The following AASS variants were observed in gnomAD, a reference collection of about 807,000 sequenced individuals.
AASS encodes aminoadipate-semialdehyde synthase.
In AASS, 86 loss-of-function variants were observed where a neutral mutation model predicts 105.4. The observed-to-expected ratio is 0.82, with a 90% CI of 0.69 to 0.98. The LOEUF is 0.98. Ranked by LOEUF, AASS falls within the 50% of genes least tolerant of loss-of-function variation. AASS has a pLI of 0.00. For missense variants in AASS, 1,048 were observed against 1,143.2 expected (o/e 0.92, Z 1.20); for synonymous variants, 381 against 394.8 (o/e 0.96, Z 0.41).
chr7:122,122,308 A>G (rs995839262), intron 4 of AASS, among the ~76,000 whole-genome samples: 1 of 152,184 alleles, frequency 6.6e-6, no homozygotes, highest in African/African-American at 2.4e-5. Flanking sequence ...AAAGAGAGAA[A>G]AAGACTGAGA....
Position 122,126,417 on chromosome 7 carries a change from C to G in AASS, c.430G>C (p.Gly144Arg). The G allele has an allele frequency of 6.2e-7, 1 of 1,614,040 alleles. No homozygotes were observed. Among genetic ancestry groups the G allele is most frequent in the Non-Finnish European group, 8.5e-7 (1 of 1,179,932 alleles). The change falls in exon 4 of 24, where the codon GGA becomes CGA. Residue 144 changes from glycine to arginine, a missense_variant. Coordinates refer to ENST00000417368, the MANE Select transcript of AASS (RefSeq NM_005763.4). ...IDYEKMVDHR[G>R]VRVVAFGQWA... is the part of the protein sequence containing the mutation. Reference sequence around the variant, plus strand: ...TGTCCAAATGCCACTACCCGTACTCCTCTATGATCCACCATTTTCTCATAA... The same window carrying G: ...TGTCCAAATGCCACTACCCGTACTCGTCTATGATCCACCATTTTCTCATAA...
intron 13 of AASS, among the ~76,000 whole-genome samples, chr7:122,099,160 T>G (rs1794316020): frequency 6.6e-6 from 1 of 151,916 alleles, no homozygotes; most frequent in Non-Finnish European, 1.5e-5. Flanking sequence ...ACTAGTGAGG[T>G]GCAGATGCTG....
intron 11 of AASS, among the ~76,000 whole-genome samples, chr7:122,107,055 C>A (rs1372445970): frequency 2.6e-5 from 4 of 152,028 alleles, no homozygotes; most frequent in African/African-American, 4.8e-5. Flanking sequence ...AAACAAACAA[C>A]CCCATTAAAA....
At chr7:122,105,201 C>T (rs59110694) in intron 11 of AASS, among the ~76,000 whole-genome samples, 33,911 of 151,930 alleles carry the variant, frequency 0.22, 4,018 homozygotes, top group African/African-American at 0.31. Context: ...GTGCACTCAA[C>T]ATTGGAACAC....
At chr7:122,101,488 T>A in intron 12 of AASS, 50 bp from the exon 13 acceptor site, 1 of 1,538,416 alleles carries the variant, frequency 6.5e-7, no homozygotes, top group Non-Finnish European at 9.0e-7. Flanking sequence ...ATTTTAGTCC[T>A]ACAAACAAGG....
intron 13 of AASS, among the ~76,000 whole-genome samples, chr7:122,100,838 C>T (rs924594629): frequency 6.6e-6 from 1 of 151,844 alleles, no homozygotes; most frequent in Admixed American, 6.6e-5. Flanking sequence ...TGCTACATTA[C>T]TTTTTGGCAC....
chr7:122,081,340 C>T lies in AASS; in HGVS notation c.2280+160G>A, dbSNP rs73442809. Among the ~76,000 whole-genome samples the T allele has an allele frequency of 3.8e-3, 583 of 152,304 alleles. 4 individuals are homozygous for T. Among genetic ancestry groups the T allele is most frequent in the African/African-American group, 0.013 (553 of 41,570 alleles). ...GCCCCACACCCTCTCCATTCTTCCA[C>T]AACAGTGAAGGGAAAGGGGGCTTTG... On this transcript the variant is annotated intron_variant, in intron 20 of 23. Transcript: ENST00000417368.
intron 15 of AASS, among the ~76,000 whole-genome samples, chr7:122,095,592 A>C (rs1317798507): frequency 6.6e-6 from 1 of 151,850 alleles, no homozygotes; most frequent in Non-Finnish European, 1.5e-5. Context: ...AAAAAAAAAA[A>C]AACAATAAAA....
In AASS at chr7:122,073,958, C is replaced by T. The variant is rs951928683; in HGVS notation, c.*2531G>A. The stretch of plus-strand genomic sequence containing the variant: ...TAATATTCCTTGTATGGATATGCCA[C>T]GTTTTGTTTATTCACTTGTTAGTTG... On this transcript the variant is annotated 3_prime_UTR_variant, in exon 24 of 24. Transcript: ENST00000417368. Among the ~76,000 whole-genome samples the T allele has an allele frequency of 3.3e-5, 5 of 152,090 alleles. No individual in the cohort carries two copies. The highest frequency in any genetic ancestry group is 2.9e-5 in the Non-Finnish European group (2 of 67,998).
At position 122,076,188 on chromosome 7, in the gene AASS, A is replaced by G. The variant is rs1315813291; in HGVS notation, c.*301T>C. 1.3e-5 allele frequency: 4 copies of G among 310,474 alleles called. No individual in the cohort carries two copies. Among genetic ancestry groups the G allele is most frequent in the Non-Finnish European group, 2.4e-5 (4 of 164,224 alleles). 19.2% of individuals were successfully genotyped at this position (310,474 alleles called of 1,614,324 possible). On this transcript the variant is annotated 3_prime_UTR_variant, in exon 24 of 24. Transcript: ENST00000417368. ...GACTCCATCTCAAAAAACAACAACA[A>G]CAAAAAAAAAACAAAAGAAAAAAAG...
rs1324767198 is a variant in AASS at position 122,098,736 on chromosome 7, C to T, written c.1528+9G>A. ...CATTTTTCTTCTTCAAAAATTAGGG[C>T]TTATTTACCTACTGTTATTTCTATA... On this transcript the variant is annotated intron_variant, in intron 14 of 23. Transcript: ENST00000417368. The T allele has an allele frequency of 6.2e-7, 1 of 1,606,180 alleles. No homozygotes were observed. The highest frequency in any genetic ancestry group is 1.3e-5 in the African/African-American group (1 of 74,532).
intron 4 of AASS, 84 bp downstream of exon 4, chr7:122,126,291 C>T (rs912082100): frequency 1.5e-5 from 18 of 1,170,642 alleles, no homozygotes; most frequent in Non-Finnish European, 2.3e-5. Context: ...ACACTCCTAT[C>T]CCCTTGCCGC....
chr7:122,125,360 C>T (rs1198942555), intron 4 of AASS, among the ~76,000 whole-genome samples: 2 of 152,104 alleles, frequency 1.3e-5, no homozygotes, highest in Non-Finnish European at 2.9e-5. Context: ...AATGCTTGTT[C>T]CCTGGTGCCG....
At chr7:122,125,001 C>A (rs985012379) in intron 4 of AASS, among the ~76,000 whole-genome samples, 4 of 152,140 alleles carry the variant, frequency 2.6e-5, no homozygotes, top group African/African-American at 9.7e-5. Flanking sequence ...CGGCTCACTG[C>A]AAACTCTGCC....
intron 19 of AASS, among the ~76,000 whole-genome samples, chr7:122,084,211 A>G (rs1416163318): frequency 2.0e-5 from 3 of 152,168 alleles, no homozygotes; most frequent in Admixed American, 2.0e-4. Context: ...CTGTGCCTAA[A>G]GGCTGGTAGA....
At chr7:122,139,009 C>A (rs544876746) in intron 1 of AASS, among the ~76,000 whole-genome samples, 6 of 152,038 alleles carry the variant, frequency 3.9e-5, no homozygotes, top group Non-Finnish European at 8.8e-5. Context: ...TAAGAAAAGC[C>A]ACTCTCAGGA....
At position 122,092,819 on chromosome 7, in the gene AASS, C is replaced by A. The variant is rs374586535; in HGVS notation, c.1875+24G>T. On this transcript the variant is annotated intron_variant, in intron 17 of 23. Coordinates refer to ENST00000417368, the MANE Select transcript of AASS (RefSeq NM_005763.4). ...CAAGAATTTAGACATTTTAATGTTG[C>A]CTTTGGGTACAAATTGGGCTCACCG... 1.9e-6 allele frequency: 3 copies of A among 1,562,236 alleles called. No individual in the cohort carries two copies. In the African/African-American group the frequency reaches 4.1e-5, roughly 21 times the overall value.
intron 4 of AASS, among the ~76,000 whole-genome samples, chr7:122,119,704 T>C (rs1795352143): frequency 1.3e-5 from 2 of 152,214 alleles, no homozygotes; most frequent in African/African-American, 2.4e-5. Context: ...ATCTGTGTTA[T>C]TACCGCCATG....
intron 21 of AASS, 32 bp from the exon 22 acceptor site, chr7:122,078,982 C>G: frequency 6.2e-7 from 1 of 1,613,874 alleles, no homozygotes; most frequent in Admixed American, 1.7e-5. Context: ...TGCATTAGTT[C>G]AAGTCCTATA....
Sources: allele counts gnomAD v4.1 joint callset (sites outside exome capture counted in the v4.1 genomes callset), GRCh38; gene constraint gnomAD v4.1.1; transcripts MANE v1.5; gene names NCBI Gene and HGNC (gene_info 2026-07-23, HGNC 2026-07-21).